The following NIBAN2 variants were observed in gnomAD, a reference collection of about 807,000 sequenced individuals.
NIBAN2 encodes the protein protein Niban 2.
Under a neutral mutation model 81.8 loss-of-function variants are expected in NIBAN2, and 36 were observed. That is an observed-to-expected ratio of 0.44 (90% CI 0.34 to 0.58). The LOEUF is 0.58. Ranked by LOEUF, NIBAN2 falls within the 20% of genes least tolerant of loss-of-function variation. The pLI is 0.02. For synonymous variants in NIBAN2, 445 were observed against 441.6 expected, an observed-to-expected ratio of 1.01 and a Z score of -0.10; for missense variants, 897 against 1,014.1, an observed-to-expected ratio of 0.88 and a Z score of 1.57.
chr9:127,567,378 AG>A (rs1167785468), intron 1 of NIBAN2, among the ~76,000 whole-genome samples: 2 of 152,150 alleles, frequency 1.3e-5, no homozygotes, highest in African/African-American at 4.8e-5. Flanking sequence ...TGGTCGGATA[AG>A]GAGGCTTTCC....
chr9:127,517,243 C>A lies in NIBAN2; in HGVS notation c.706-27G>T. ...TAGGTTGAGGAGGCACAAGCCAGGCCAGGGGCTGGAGAGCGCTCAGCTGGC... is the reference window on the plus strand; with the variant it reads ...TAGGTTGAGGAGGCACAAGCCAGGCAAGGGGCTGGAGAGCGCTCAGCTGGC... On this transcript the variant is annotated intron_variant, in intron 6 of 13. Transcript: ENST00000373312. This position sits in a 1 kb window ranked among gnomAD's most constrained non-coding sequence, Gnocchi z 4.0. The A allele has an allele frequency of 6.2e-7, 1 of 1,602,964 alleles. No individual in the cohort carries two copies.
chr9:127,530,486 C>T (rs1429118872), intron 2 of NIBAN2, among the ~76,000 whole-genome samples: 1 of 151,924 alleles, frequency 6.6e-6, no homozygotes, highest in African/African-American at 2.4e-5. Flanking sequence ...CCCCCGGCCC[C>T]GTGTCCGAGT....
At chr9:127,523,187 AAAAAAATATATATATATATATAT>A (rs1836980553) in intron 5 of NIBAN2, among the ~76,000 whole-genome samples, 2 of 29,264 alleles carry the variant, frequency 6.8e-5, no homozygotes, top group African/African-American at 3.1e-4. Context: ...AAAAAAAAAA[AAAAAAATATATATATATATATAT>A]ATATATATAT....
intron 1 of NIBAN2, among the ~76,000 whole-genome samples, chr9:127,543,287 C>T (rs536891471): frequency 2.6e-4 from 40 of 152,234 alleles, no homozygotes; most frequent in Admixed American, 4.6e-4. Context: ...GGACACCTCA[C>T]GCCATCTGAC....
chr9:127,536,727 A>C lies in NIBAN2; in HGVS notation c.56-4949T>G, dbSNP rs908868986. On this transcript the variant is annotated intron_variant, in intron 1 of 13. Transcript: ENST00000373312. This position sits in a 1 kb window ranked among gnomAD's most constrained non-coding sequence, Gnocchi z 4.0. Reference sequence around the variant, plus strand: ...GTGAGCCAGAGAGGGTGAGCAGCTCAGCTGAGGTCACACAGCCAGATGGAG... The same window carrying C: ...GTGAGCCAGAGAGGGTGAGCAGCTCCGCTGAGGTCACACAGCCAGATGGAG... Among the ~76,000 whole-genome samples, 2 of 152,230 alleles carry C rather than the reference A, an allele frequency of 1.3e-5. No individual in the cohort carries two copies. Among genetic ancestry groups the C allele is most frequent in the Non-Finnish European group, 2.9e-5 (2 of 68,030 alleles).
At chr9:127,524,004 G>A (rs2132176059) in intron 4 of NIBAN2, among the ~76,000 whole-genome samples, 158 bp from the exon 5 acceptor site, 1 of 152,358 alleles carries the variant, frequency 6.6e-6, no homozygotes, top group Non-Finnish European at 1.5e-5. Context: ...GGGGGTGGGA[G>A]CAGCCTTCTT....
intron 8 of NIBAN2, 91 bp from the exon 9 acceptor site, chr9:127,510,424 CTATTAT>C (rs1836714889): frequency 2.5e-6 from 2 of 794,888 alleles, no homozygotes; most frequent in South Asian, 3.1e-5. Flanking sequence ...TACTGTATTA[CTATTAT>C]TATCATTATT....
intron 1 of NIBAN2, among the ~76,000 whole-genome samples, chr9:127,541,164 G>C (rs545296330): frequency 6.6e-6 from 1 of 152,328 alleles, no homozygotes; most frequent in South Asian, 2.1e-4. Context: ...AGACAGCAGG[G>C]AGAGCTTGGG....
At chr9:127,529,429 A>T (rs1369078923) in intron 2 of NIBAN2, among the ~76,000 whole-genome samples, 1 of 152,228 alleles carries the variant, frequency 6.6e-6, no homozygotes, top group African/African-American at 2.4e-5. Context: ...ACCTAAGGTC[A>T]GGAGTTCGAG....
In NIBAN2 at chr9:127,507,355, G is replaced by A. The variant is rs1334902886; in HGVS notation, c.1731C>T (p.Asn577=). 2.6e-6 allele frequency: 4 copies of A among 1,540,704 alleles called. No individual in the cohort carries two copies. Among genetic ancestry groups the A allele is most frequent in the African/African-American group, 1.4e-5 (1 of 72,568 alleles). Residue 577 remains asparagine, a synonymous_variant, in exon 14 of 14, where the codon AAC becomes AAT. Transcript: ENST00000373312. This position sits in a 1 kb window ranked among gnomAD's most constrained non-coding sequence, Gnocchi z 6.8. ...DSMVMHNSDP[N]LHLLAEGAPI... The stretch of plus-strand genomic sequence containing the variant: ...GGGCGCCCTCGGCCAGCAGGTGCAG[G>A]TTGGGGTCGCTGTTGTGCATGACCA...
At chr9:127,568,354 T>C (rs1211250031) in intron 1 of NIBAN2, among the ~76,000 whole-genome samples, 1 of 152,128 alleles carries the variant, frequency 6.6e-6, no homozygotes, top group East Asian at 1.9e-4. Context: ...CTCCGCCACG[T>C]GTACCAGGGC....
At chr9:127,509,275 C>G in intron 9 of NIBAN2, 144 bp from the exon 10 acceptor site, 1 of 758,228 alleles carries the variant, frequency 1.3e-6, no homozygotes, top group Non-Finnish European at 2.1e-6. Flanking sequence ...CTCATGGCCA[C>G]AAAGGTAAAC....
intron 4 of NIBAN2, 137 bp from the exon 5 acceptor site, chr9:127,523,983 A>C: frequency 1.1e-6 from 1 of 912,808 alleles, no homozygotes; most frequent in Non-Finnish European, 1.6e-6. Context: ...CAAGGTGACC[A>C]GCAAGCCGGC....
At chr9:127,557,586 C>T (rs1457873031) in intron 1 of NIBAN2, among the ~76,000 whole-genome samples, 1 of 152,242 alleles carries the variant, frequency 6.6e-6, no homozygotes, top group African/African-American at 2.4e-5. Context: ...GGGCAGGCAC[C>T]AGAAACAGCT....
At chr9:127,514,270 C>CAAAAA (rs34295842) in intron 8 of NIBAN2, among the ~76,000 whole-genome samples, 1 of 118,134 alleles carries the variant, frequency 8.5e-6, no homozygotes, top group Non-Finnish European at 1.7e-5. Flanking sequence ...ACTCTGTGTC[C>CAAAAA]AAAAAAAAAA....
chr9:127,515,916 T>C (rs901354775), intron 8 of NIBAN2, among the ~76,000 whole-genome samples: 2 of 151,882 alleles, frequency 1.3e-5, no homozygotes, highest in Non-Finnish European at 1.5e-5. Flanking sequence ...GGTGGGTGGA[T>C]TGCTTGAGCT....
intron 1 of NIBAN2, among the ~76,000 whole-genome samples, chr9:127,546,571 C>T (rs904365120): frequency 5.7e-4 from 87 of 152,276 alleles, no homozygotes; most frequent in African/African-American, 2.0e-3. Context: ...CACTCAGCCC[C>T]GCCCCATCAG....
In NIBAN2 at chr9:127,561,320, G is replaced by C. The variant is rs1837770396; in HGVS notation, c.55+7500C>G. On this transcript the variant is annotated intron_variant, in intron 1 of 13. Coordinates refer to ENST00000373312, the MANE Select transcript of NIBAN2 (RefSeq NM_022833.4). The stretch of plus-strand genomic sequence containing the variant: ...TCAACTTCCTGGAGCACATGGCAGG[G>C]AGCAGGGGATGCACGAGGCCACAGA... 3 of 985,128 alleles carry C rather than the reference G, an allele frequency of 3.0e-6. No homozygotes were observed. The South Asian group carries it at 1.4e-4, about 46-fold the overall frequency. 61.0% of individuals were successfully genotyped at this position (985,128 alleles called of 1,614,324 possible). A position where few individuals can be genotyped will look rare whatever the true frequency, so the allele number is the denominator to read the frequency against.
At chr9:127,567,949 G>T (rs10118194) in intron 1 of NIBAN2, among the ~76,000 whole-genome samples, 44,449 of 152,082 alleles carry the variant, frequency 0.29, 7,126 homozygotes, top group African/African-American at 0.42. Flanking sequence ...CCACCAGCCA[G>T]GAGAGATCGG....
Sources: gnomAD v4.1 joint callset for allele counts (sites outside exome capture counted in the v4.1 genomes callset) on GRCh38, gnomAD v4.1.1 for gene constraint, Gnocchi (gnomAD v3.1) non-coding constraint, MANE v1.5 for transcripts, NCBI Gene and HGNC (gene_info 2026-07-23, HGNC 2026-07-21) for gene names.